Variants in WDR72 observed in about 807,000 individuals in gnomAD.
The protein encoded by WDR72 is WD repeat domain 72.
A neutral mutation model predicts 124.2 loss-of-function variants in WDR72; 120 were observed. The ratio of observed to expected loss-of-function variants is 0.97; its 90% CI spans 0.83 to 1.12. The LOEUF is 1.12. Among genes scored for constraint, WDR72 ranks in the 50% most tolerant of loss-of-function variants. The pLI is 0.00. For missense variants in WDR72, 1,387 were observed against 1,278.8 expected, an observed-to-expected ratio of 1.08 and a Z score of -1.29; for synonymous variants, 452 against 441.7, an observed-to-expected ratio of 1.02 and a Z score of -0.29.
At chr15:53,744,360 T>C (rs2018590076) in intron 1 of WDR72, among the ~76,000 whole-genome samples, 1 of 152,180 alleles carries the variant, frequency 6.6e-6, no homozygotes, top group Admixed American at 6.5e-5. Context: ...GCTCAAACCA[T>C]TATTGAGCTC....
At chr15:53,529,162 ATATTTTTT>A (rs1280211759) in intron 18 of WDR72, among the ~76,000 whole-genome samples, 1 of 58,782 alleles carries the variant, frequency 1.7e-5, no homozygotes, top group Non-Finnish European at 3.3e-5. Context: ...ATATATATAT[ATATTTTTT>A]TTTTTTTTTT....
At chr15:53,598,590 G>T (rs2012892376) in intron 17 of WDR72, among the ~76,000 whole-genome samples, 1 of 152,290 alleles carries the variant, frequency 6.6e-6, no homozygotes, top group East Asian at 1.9e-4. Context: ...TCCTGGGGCA[G>T]AAAAGCTGGC....
chr15:53,540,703 G>A (rs963920010), intron 18 of WDR72, among the ~76,000 whole-genome samples: 11 of 152,256 alleles, frequency 7.2e-5, no homozygotes, highest in South Asian at 4.2e-4. Flanking sequence ...CGCAGAAGAC[G>A]GGTGATTTCT....
intron 9 of WDR72, among the ~76,000 whole-genome samples, chr15:53,710,627 A>C (rs1484969320): frequency 1.3e-5 from 2 of 152,210 alleles, no homozygotes; most frequent in African/African-American, 2.4e-5. Context: ...TATAATAAAT[A>C]CATATTGTTT....
intron 13 of WDR72, among the ~76,000 whole-genome samples, chr15:53,669,389 G>T (rs150317542): frequency 2.5e-3 from 373 of 152,236 alleles, no homozygotes; most frequent in African/African-American, 8.5e-3. Flanking sequence ...GGGGGTGGAG[G>T]GGGGTCTTTC....
At chr15:53,704,422 C>T (rs949418796) in intron 11 of WDR72, among the ~76,000 whole-genome samples, 2 of 152,034 alleles carry the variant, frequency 1.3e-5, no homozygotes, top group African/African-American at 4.8e-5. Context: ...TATAAATAAA[C>T]TGTTATTAGC....
chr15:53,762,818 C>A (rs1221411606), upstream of WDR72: 1 of 152,246 alleles, frequency 6.6e-6, no homozygotes, highest in East Asian at 1.9e-4. Context: ...GGACGGTGCC[C>A]AGGACCCATA....
chr15:53,664,940 G>A (rs558373323), intron 14 of WDR72, among the ~76,000 whole-genome samples: 1 of 152,226 alleles, frequency 6.6e-6, no homozygotes, highest in Admixed American at 6.5e-5. Context: ...ATGTTGAGGG[G>A]ATAATTTGGA....
intron 18 of WDR72, among the ~76,000 whole-genome samples, chr15:53,584,957 T>C (rs2012121471): frequency 6.6e-6 from 1 of 151,956 alleles, no homozygotes; most frequent in Non-Finnish European, 1.5e-5. Flanking sequence ...GTAACACCTG[T>C]GAAAGAAAAA....
At chr15:53,718,842 G>C (rs1567047048) in intron 3 of WDR72, among the ~76,000 whole-genome samples, 4 of 136,576 alleles carry the variant, frequency 2.9e-5, no homozygotes, top group Non-Finnish European at 5.9e-5. Flanking sequence ...AAAATCTTAA[G>C]AATTTTTAAA....
chr15:53,715,252 G>A lies in WDR72; in HGVS notation c.455C>T (p.Ser152Leu), dbSNP rs1391144265. Residue 152 changes from serine to leucine, a missense_variant, in exon 5 of 20, where the codon TCA becomes TTA. Transcript: ENST00000360509. ...KTLAVVHSFRSSQFPDWINCM... is the reference protein window; with the variant it reads ...KTLAVVHSFRLSQFPDWINCM... ...GTTGATCCAGTCAGGAAACTGAGATGATCTAAAACTGTGAACAACAGCCAA... is the reference window on the plus strand; with the variant it reads ...GTTGATCCAGTCAGGAAACTGAGATAATCTAAAACTGTGAACAACAGCCAA... 6.2e-7 allele frequency: 1 copy of A among 1,614,100 alleles called. No homozygotes were observed. The highest frequency in any genetic ancestry group is 1.7e-5 in the Admixed American group (1 of 60,012).
intron 13 of WDR72, among the ~76,000 whole-genome samples, chr15:53,679,877 T>A (rs2016317827): frequency 6.6e-6 from 1 of 151,306 alleles, no homozygotes; most frequent in South Asian, 2.1e-4. Flanking sequence ...CACATATGCA[T>A]ATTATATAAT....
At chr15:53,569,833 CT>C (rs899186427) in intron 18 of WDR72, among the ~76,000 whole-genome samples, 23 of 152,118 alleles carry the variant, frequency 1.5e-4, no homozygotes, top group Admixed American at 1.0e-3. Context: ...TTTTATTTTG[CT>C]TATTTATCTT....
intron 13 of WDR72, among the ~76,000 whole-genome samples, chr15:53,688,976 A>G (rs574090519): frequency 6.6e-6 from 1 of 152,360 alleles, no homozygotes; most frequent in East Asian, 1.9e-4. Flanking sequence ...AGGATTCCCT[A>G]TTTAATAAAT....
At chr15:53,727,361 A>G (rs572113630) in intron 2 of WDR72, among the ~76,000 whole-genome samples, 1 of 152,288 alleles carries the variant, frequency 6.6e-6, no homozygotes, top group South Asian at 2.1e-4. Context: ...TGTAGATGGT[A>G]ACTCAGCCAT....
intron 19 of WDR72, among the ~76,000 whole-genome samples, chr15:53,519,560 C>T (rs1306602960): frequency 6.6e-6 from 1 of 152,084 alleles, no homozygotes; most frequent in Non-Finnish European, 1.5e-5. Context: ...TGAGTGAAAA[C>T]TCTTTGCTAA....
intron 14 of WDR72, among the ~76,000 whole-genome samples, chr15:53,626,028 A>C (rs1327187706): frequency 6.6e-6 from 1 of 152,176 alleles, no homozygotes; most frequent in Non-Finnish European, 1.5e-5. Context: ...TTCTCAAAAC[A>C]TTTTGGATCC....
chr15:53,746,947 A>C (rs991519304), intron 1 of WDR72, among the ~76,000 whole-genome samples: 3 of 152,242 alleles, frequency 2.0e-5, no homozygotes, highest in African/African-American at 7.2e-5. Context: ...AAGTGGAAAC[A>C]GTTTGGGAAA....
chr15:53,650,667 C>T (rs1595819695), intron 14 of WDR72, among the ~76,000 whole-genome samples: 3 of 152,228 alleles, frequency 2.0e-5, no homozygotes, highest in African/African-American at 7.2e-5. Context: ...ATATGACTTC[C>T]TGCATACCAC....
Sources: allele counts gnomAD v4.1 joint callset (sites outside exome capture counted in the v4.1 genomes callset), GRCh38; gene constraint gnomAD v4.1.1; transcripts MANE v1.5; gene names NCBI Gene and HGNC (gene_info 2026-07-23, HGNC 2026-07-21).